Variants in CACNA1D observed in about 807,000 individuals in gnomAD.
CACNA1D encodes voltage-dependent L-type calcium channel subunit alpha-1D.
Under a neutral mutation model 257.1 loss-of-function variants are expected in CACNA1D, and 55 were observed. That is an observed-to-expected ratio of 0.21 (90% confidence interval 0.17 to 0.27). The LOEUF (loss-of-function observed/expected upper bound fraction) is 0.27. CACNA1D is among the 10% of genes least tolerant of loss of function. CACNA1D has a pLI of 1.00. For synonymous variants in CACNA1D, 980 were observed against 1,014.9 expected, an observed-to-expected ratio of 0.97 and a Z score of 0.65; for missense variants, 1,876 against 2,784.0, an observed-to-expected ratio of 0.67 and a Z score of 7.34.
chr3:53,602,727 A>G (rs139078491), intron 3 of CACNA1D, among the ~76,000 whole-genome samples: 1 of 152,314 alleles, frequency 6.6e-6, no homozygotes, highest in East Asian at 1.9e-4. Context: ...TTCTTCATAT[A>G]ACCTGTTGGC....
intron 8 of CACNA1D, among the ~76,000 whole-genome samples, chr3:53,695,897 G>C (rs2094569014): frequency 6.6e-6 from 1 of 152,128 alleles, no homozygotes; most frequent in Non-Finnish European, 1.5e-5. Flanking sequence ...AAGCAATCCA[G>C]GTTCCTTAGT....
rs1300914904 is a variant in CACNA1D at position 53,495,475 on chromosome 3, G to C, written c.67+242G>C. Among the ~76,000 whole-genome samples the C allele has an allele frequency of 9.1e-6, 1 of 109,484 alleles. No homozygotes were observed. The highest frequency in any genetic ancestry group is 2.0e-5 in the Non-Finnish European group (1 of 48,808). The allele number at this position is 109,484 out of a possible 152,430, so 71.8% of individuals were successfully genotyped here. ...GGGGCGGCCGTGGAGTGTGTGGAGC[G>C]CGGTGCAGCCGGAGGGGCGGCGAGT... On this transcript the variant is annotated intron_variant, in intron 1 of 47. Transcript: ENST00000350061. This position sits in a 1 kb window ranked among gnomAD's most constrained non-coding sequence, Gnocchi z 5.1.
intron 3 of CACNA1D, among the ~76,000 whole-genome samples, chr3:53,616,975 A>T (rs1294447265): frequency 6.6e-6 from 1 of 151,754 alleles, no homozygotes; most frequent in Non-Finnish European, 1.5e-5. Flanking sequence ...AGGCAGTTTG[A>T]CTTATGCCTC....
rs2108590867 is a variant in CACNA1D at position 53,702,720 on chromosome 3, G to C, written c.1300G>C (p.Asp434His). 6.2e-7 allele frequency: 1 copy of C among 1,614,254 alleles called. No individual in the cohort carries two copies. Among genetic ancestry groups the C allele is most frequent in the South Asian group, 1.1e-5 (1 of 91,090 alleles). The change falls in exon 9 of 48, where the codon GAT (aspartate) becomes CAT (histidine). Residue 434 changes from aspartate (D) to histidine (H), a missense_variant. By Grantham distance (81) the Asp-to-His change is moderately conservative. Coordinates refer to ENST00000350061, the MANE Select transcript of CACNA1D (RefSeq NM_001128840.3). ...KLREKQQLEE[D>H]LKGYLDWITQ... ...CCGGGAGAAGCAGCAGCTGGAGGAG[G>C]ATCTAAAGGGCTACTTGGATTGGAT...
Position 53,774,579 on chromosome 3 carries a change from C to T in CACNA1D, c.4111-8C>T, listed in dbSNP as rs751553150. On this transcript the variant is annotated splice_polypyrimidine_tract_variant and splice_region_variant and intron_variant, in intron 33 of 47. Coordinates refer to ENST00000350061, the MANE Select transcript of CACNA1D (RefSeq NM_001128840.3). This position sits in a 1 kb window ranked among gnomAD's most constrained non-coding sequence, Gnocchi z 4.3. The stretch of plus-strand genomic sequence containing the variant: ...TATTCTCTTTTTCCTGACAACTTCT[C>T]CACCTAGATGTTTGGGAAAGTTGCC... 6.5e-7 allele frequency: 1 copy of T among 1,534,594 alleles called. No homozygotes were observed. The highest frequency in any genetic ancestry group is 1.4e-5 in the African/African-American group (1 of 73,300).
intron 29 of CACNA1D, among the ~76,000 whole-genome samples, chr3:53,759,230 T>G (rs185195466): frequency 2.0e-4 from 31 of 152,356 alleles, no homozygotes; most frequent in Non-Finnish European, 5.9e-5. Flanking sequence ...CCTATTGTGT[T>G]GATTTAAACG....
rs2095494297 is a variant in CACNA1D at position 53,793,510 on chromosome 3, G to C, written c.4923+6558G>C. 1.3e-5 allele frequency among the ~76,000 whole-genome samples: 2 copies of C among 152,202 alleles called. No individual in the cohort carries two copies. The highest frequency in any genetic ancestry group is 2.9e-5 in the Non-Finnish European group (2 of 68,044). The stretch of plus-strand genomic sequence containing the variant: ...CCATACACTCAGGCCTCGGCAGAAA[G>C]GCCCCAAGCGATTCAAGTGGGCGGC... On this transcript the variant is annotated intron_variant, in intron 40 of 47. Coordinates refer to ENST00000350061, the MANE Select transcript of CACNA1D (RefSeq NM_001128840.3). This position sits in a 1 kb window ranked among gnomAD's most constrained non-coding sequence, Gnocchi z 4.1.
At chr3:53,545,803 G>A (rs903658679) in intron 3 of CACNA1D, among the ~76,000 whole-genome samples, 1 of 152,186 alleles carries the variant, frequency 6.6e-6, no homozygotes, top group Non-Finnish European at 1.5e-5. Context: ...TGGGGCAGGG[G>A]GCAGGGAGGA....
At chr3:53,636,168 CA>C (rs2093881177) in intron 3 of CACNA1D, among the ~76,000 whole-genome samples, 1 of 152,222 alleles carries the variant, frequency 6.6e-6, no homozygotes, top group South Asian at 2.1e-4. Context: ...AACTGGTGTC[CA>C]GGGGTGGCTA....
chr3:53,510,366 A>G (rs533270277), intron 3 of CACNA1D, among the ~76,000 whole-genome samples: 1 of 152,220 alleles, frequency 6.6e-6, no homozygotes, highest in Non-Finnish European at 1.5e-5. Flanking sequence ...TAGACCTTAC[A>G]GACCTTTCCA....
At chr3:53,521,719 A>G (rs1330678839) in intron 3 of CACNA1D, among the ~76,000 whole-genome samples, 1 of 152,214 alleles carries the variant, frequency 6.6e-6, no homozygotes, top group Non-Finnish European at 1.5e-5. Context: ...TTTCTTCCAG[A>G]AGGTACACTA....
At chr3:53,621,713 C>T (rs1038999263) in intron 3 of CACNA1D, among the ~76,000 whole-genome samples, 1 of 152,138 alleles carries the variant, frequency 6.6e-6, no homozygotes, top group African/African-American at 2.4e-5. Context: ...ATTTGCAAAA[C>T]ATCTATCTGA....
intron 9 of CACNA1D, among the ~76,000 whole-genome samples, chr3:53,713,525 TGTGTGTGTGTGTGTGTGTGA>T (rs2094784613): frequency 3.5e-5 from 5 of 141,446 alleles, no homozygotes; most frequent in African/African-American, 8.1e-5. Flanking sequence ...TGTGTGTGTG[TGTGTGTGTGTGTGTGTGTGA>T]GAGATTTGCC....
At position 53,759,642 on chromosome 3, in the gene CACNA1D, A is replaced by G. The variant is rs1314862112; in HGVS notation, c.3787-2356A>G. Among the ~76,000 whole-genome samples the G allele has an allele frequency of 2.0e-5, 3 of 152,234 alleles. No homozygotes were observed. The East Asian group carries it at 5.8e-4, about 29-fold the overall frequency. On this transcript the variant is annotated intron_variant, in intron 29 of 47. Coordinates refer to ENST00000350061, the MANE Select transcript of CACNA1D (RefSeq NM_001128840.3). ...TTTCTTTAGCTTTTGAGTTACTCTT[A>G]ACTCCATGAAGAAAAGGGCAGGCTC...
chr3:53,772,389 T>TTTGCAAAA (rs2109014158), intron 32 of CACNA1D, among the ~76,000 whole-genome samples: 1 of 152,322 alleles, frequency 6.6e-6, no homozygotes, highest in East Asian at 1.9e-4. Flanking sequence ...TGCATAAAGA[T>TTTGCAAAA]ATTCCTTTGC....
chr3:53,647,907 C>A (rs1374940471), intron 3 of CACNA1D, among the ~76,000 whole-genome samples: 1 of 152,002 alleles, frequency 6.6e-6, no homozygotes, highest in East Asian at 1.9e-4. Context: ...ATGAAGAATC[C>A]CATCAAATAA....
chr3:53,579,480 A>G (rs1461939852), intron 3 of CACNA1D, among the ~76,000 whole-genome samples: 1 of 152,188 alleles, frequency 6.6e-6, no homozygotes, highest in Middle Eastern at 3.2e-3. Context: ...AAACCTTATC[A>G]TTTAGGACAT....
At chr3:53,544,558 T>A (rs956463988) in intron 3 of CACNA1D, among the ~76,000 whole-genome samples, 12 of 152,154 alleles carry the variant, frequency 7.9e-5, no homozygotes, top group Non-Finnish European at 1.6e-4. Flanking sequence ...AATGGGACTT[T>A]CCCCATTGAG....
At chr3:53,595,314 T>G (rs114089870) in intron 3 of CACNA1D, among the ~76,000 whole-genome samples, 2,900 of 152,140 alleles carry the variant, frequency 0.019, 84 homozygotes, top group African/African-American at 0.066. Context: ...TGGACAGCAT[T>G]TGGAGGATTT....
Sources: gnomAD v4.1 joint callset for allele counts (sites outside exome capture counted in the v4.1 genomes callset) on GRCh38, gnomAD v4.1.1 for gene constraint, Gnocchi (gnomAD v3.1) non-coding constraint, MANE v1.5 for transcripts, NCBI Gene and HGNC (gene_info 2026-07-23, HGNC 2026-07-21) for gene names.